CTTN: variants seen among roughly 807,000 people sequenced by gnomAD.
The protein encoded by CTTN is src substrate cortactin.
In CTTN, 28 loss-of-function variants were observed where a neutral mutation model predicts 84.0. The observed-to-expected ratio is 0.33, with a 90% CI of 0.25 to 0.46. CTTN has a LOEUF of 0.46. CTTN is among the 20% of genes least tolerant of loss of function. The pLI is 1.00. For missense variants in CTTN, 641 were observed against 723.8 expected (o/e 0.89, Z 1.31); for synonymous variants, 301 against 288.8 (o/e 1.04, Z -0.43).
In CTTN at chr11:70,414,588, C is replaced by T; in HGVS notation, c.338C>T (p.Ser113Leu). 2 of 1,614,204 alleles carry T rather than the reference C, an allele frequency of 1.2e-6. No homozygotes were observed. The highest frequency in any genetic ancestry group is 2.2e-5 in the East Asian group (1 of 44,886). The change falls in exon 6 of 18, where the codon TCG becomes TTG. Residue 113 changes from serine to leucine, a missense_variant. By Grantham distance (145) the Ser-to-Leu change is moderately radical. Around this residue, in one of 3 missense-constraint regions of CTTN, gnomAD observed 284 missense variants for 348.4 expected, o/e 0.82. Coordinates refer to ENST00000301843, the MANE Select transcript of CTTN (RefSeq NM_005231.4). ...CAGTCGAAACTTTCCAAGCACTGCT[C>T]GCAGGTGGACTCGGTCCGTGGCTTC... The part of the protein sequence containing the change: ...EYQSKLSKHC[S>L]QVDSVRGFGG...
rs1393145362 is a variant in CTTN, at chr11:70,421,504, T to A, written c.825T>A (p.Val275=). The change falls in exon 11 of 18, where the codon GTT becomes GTA. Residue 275 remains valine (V), a synonymous_variant. Coordinates refer to ENST00000301843, the MANE Select transcript of CTTN (RefSeq NM_005231.4). ...CTGGTTTTGGAGGCAAATTCGGTGTTCAGTCGGAGAGGCAGGACTCCGCTG... is the reference window on the plus strand; with the variant it reads ...CTGGTTTTGGAGGCAAATTCGGTGTACAGTCGGAGAGGCAGGACTCCGCTG... The part of the protein sequence containing the change: ...YKTGFGGKFG[V]QSERQDSAAV... 1 of 1,614,096 alleles carries A rather than the reference T, an allele frequency of 6.2e-7. No homozygotes were observed. Among genetic ancestry groups the A allele is most frequent in the Non-Finnish European group, 8.5e-7 (1 of 1,179,960 alleles).
rs1038231749 is a variant in CTTN at position 70,416,001 on chromosome 11, G to A, written c.457+284G>A. 8 of 399,218 alleles carry A rather than the reference G, an allele frequency of 2.0e-5. No homozygotes were observed. In the East Asian group the frequency reaches 3.0e-4, roughly 15 times the overall value. 24.7% of individuals were successfully genotyped at this position (399,218 alleles called of 1,614,324 possible). On this transcript the variant is annotated intron_variant, in intron 7 of 17. Coordinates refer to ENST00000301843, the MANE Select transcript of CTTN (RefSeq NM_005231.4). ...TGTGGGGCTTCTCCCCCTTGTAGCG[G>A]AAGCCGCCTTCCCTTCATCTGGGCA...
intron 11 of CTTN, 175 bp from the exon 12 acceptor site, chr11:70,422,765 G>C (rs994111293): frequency 1.4e-6 from 2 of 1,460,578 alleles, no homozygotes; most frequent in Non-Finnish European, 1.8e-6. Flanking sequence ...TGTGTCTCAC[G>C]ACCATGGGTG....
At chr11:70,426,818 T>C (rs1314168012) in intron 13 of CTTN, among the ~76,000 whole-genome samples, 1 of 151,728 alleles carries the variant, frequency 6.6e-6, no homozygotes, top group East Asian at 2.0e-4. Flanking sequence ...GCCAGGATGG[T>C]CTCGATCTCC....
rs150990706 is a variant in CTTN, at chr11:70,407,660, A to G, written c.161+69A>G. ...TGGAGCCCCAGGTGCAACAGGGCCC[A>G]TGGTCATCTGTGGAGGGACAGCCCG... is the stretch of plus-strand genomic sequence containing the variant. On this transcript the variant is annotated intron_variant, in intron 4 of 17. Transcript: ENST00000301843. 484 of 1,458,050 alleles carry G rather than the reference A, an allele frequency of 3.3e-4. 3 individuals are homozygous for G. In the African/African-American group the frequency reaches 5.5e-3, roughly 17 times the overall value. The allele number at this position is 1,458,050 out of a possible 1,614,324, so 90.3% of individuals were successfully genotyped here. A position where few individuals can be genotyped will look rare whatever the true frequency, so the allele number is the denominator to read the frequency against.
At chr11:70,415,751 C>G (rs199512252) in intron 7 of CTTN, 34 bp downstream of exon 7, 3 of 1,610,602 alleles carry the variant, frequency 1.9e-6, no homozygotes, top group Non-Finnish European at 2.5e-6. Flanking sequence ...GAGCCCGCTC[C>G]GGGGGCCCCG....
chr11:70,424,523 C>T (rs2058279238), intron 12 of CTTN, among the ~76,000 whole-genome samples: 1 of 152,036 alleles, frequency 6.6e-6, no homozygotes, highest in Non-Finnish European at 1.5e-5. Flanking sequence ...GGCTACAACC[C>T]AGGCTGGGAG....
At chr11:70,414,801 T>G (rs561315125) in intron 6 of CTTN, 149 bp downstream of exon 6, 11 of 615,078 alleles carry the variant, frequency 1.8e-5, no homozygotes, top group Admixed American at 3.0e-5. Flanking sequence ...CCCAGGATGC[T>G]CTGAGAGCCT....
intron 1 of CTTN, among the ~76,000 whole-genome samples, chr11:70,403,975 G>A (rs966693595): frequency 3.9e-5 from 6 of 152,074 alleles, no homozygotes; most frequent in African/African-American, 9.7e-5. Flanking sequence ...TGAGCTCCTG[G>A]GCTCAAGCAG....
chr11:70,430,771 T>G (rs1366629484), intron 14 of CTTN, among the ~76,000 whole-genome samples: 4 of 152,196 alleles, frequency 2.6e-5, no homozygotes, highest in Non-Finnish European at 5.9e-5. Flanking sequence ...CAACTCAGAC[T>G]CCCAAATCTG....
intron 15 of CTTN, among the ~76,000 whole-genome samples, chr11:70,431,675 G>T (rs1477036130): frequency 6.6e-6 from 1 of 152,096 alleles, no homozygotes; most frequent in African/African-American, 2.4e-5. Context: ...CTGAGCCCCT[G>T]CCTCCCGCAC....
At chr11:70,418,911 G>A (rs1260858324) in intron 8 of CTTN, among the ~76,000 whole-genome samples, 3 of 151,242 alleles carry the variant, frequency 2.0e-5, no homozygotes, top group Non-Finnish European at 4.4e-5. Flanking sequence ...TGAGTAGCCG[G>A]GATTACAGGC....
At chr11:70,410,899 T>C (rs954728746) in intron 5 of CTTN, among the ~76,000 whole-genome samples, 1 of 152,106 alleles carries the variant, frequency 6.6e-6, no homozygotes, top group Non-Finnish European at 1.5e-5. Context: ...TGTTGCCGTG[T>C]CACAGTGAGC....
chr11:70,429,485 C>A (rs998420509), intron 14 of CTTN, among the ~76,000 whole-genome samples: 1 of 152,196 alleles, frequency 6.6e-6, no homozygotes, highest in South Asian at 2.1e-4. Flanking sequence ...CCTGAGCTGA[C>A]GGCAGAGTCT....
rs1393086809 is a variant in CTTN at position 70,425,319 on chromosome 11, C to G, written c.958-13C>G. 5 of 1,609,144 alleles carry G rather than the reference C, an allele frequency of 3.1e-6. No homozygotes were observed. The highest frequency in any genetic ancestry group is 4.2e-6 in the Non-Finnish European group (5 of 1,177,402). On this transcript the variant is annotated splice_polypyrimidine_tract_variant and intron_variant, in intron 12 of 17. Coordinates refer to ENST00000301843, the MANE Select transcript of CTTN (RefSeq NM_005231.4). ...AAAAGTGCTCTCCTGACGCCCATGTCCTGTCTCTGCAGAATGCGTCAACCT... is the reference window on the plus strand; with the variant it reads ...AAAAGTGCTCTCCTGACGCCCATGTGCTGTCTCTGCAGAATGCGTCAACCT...
intron 5 of CTTN, among the ~76,000 whole-genome samples, chr11:70,410,947 G>T (rs2058090281): frequency 6.6e-6 from 1 of 152,174 alleles, no homozygotes; most frequent in South Asian, 2.1e-4. Flanking sequence ...AGATGATGTG[G>T]TGGGCCGGCA....
chr11:70,434,216 G>A (rs375814000), intron 17 of CTTN, among the ~76,000 whole-genome samples: 4 of 152,352 alleles, frequency 2.6e-5, no homozygotes, highest in South Asian at 4.1e-4. Context: ...CGCCCGCCCC[G>A]TGTTCCCTCA....
chr11:70,424,343 G>A (rs1266753991), intron 12 of CTTN, among the ~76,000 whole-genome samples: 3 of 152,140 alleles, frequency 2.0e-5, no homozygotes, highest in Admixed American at 6.5e-5. Flanking sequence ...GGCGGTGACC[G>A]CTGAGCTTGT....
chr11:70,427,287 C>A (rs577721130), intron 13 of CTTN, among the ~76,000 whole-genome samples: 177 of 152,152 alleles, frequency 1.2e-3, no homozygotes, highest in African/African-American at 4.0e-3. Context: ...AGGCAGAGGT[C>A]GCAGTGAGCC....
Sources: gnomAD v4.1 joint callset for allele counts (sites outside exome capture counted in the v4.1 genomes callset) on GRCh38, gnomAD v4.1.1 for gene constraint, gnomAD v4.1.1 regional missense constraint, MANE v1.5 for transcripts, NCBI Gene and HGNC (gene_info 2026-07-23, HGNC 2026-07-21) for gene names.